The following MEI1 variants were observed in gnomAD, a reference collection of about 807,000 sequenced individuals.
MEI1 encodes the protein meiotic double-stranded break formation protein 1, also known as meiosis inhibitor protein 1.
Under a neutral mutation model 146.2 loss-of-function variants are expected in MEI1, and 103 were observed. The ratio of observed to expected loss-of-function variants is 0.70; its 90% CI spans 0.60 to 0.83. The LOEUF is 0.83. MEI1 is among the 40% of genes least tolerant of loss of function. The probability of loss-of-function intolerance (pLI) is 0.00; values close to 1 mark genes in which losing one functional copy is unlikely to be tolerated. For synonymous variants in MEI1, 652 were observed against 628.2 expected (o/e 1.04, Z -0.57); for missense variants, 1,529 against 1,533.0 (o/e 1.00, Z 0.04).
At chr22:41,778,684 C>G in intron 21 of MEI1, 24 bp from the exon 22 acceptor site, 1 of 1,562,066 alleles carries the variant, frequency 6.4e-7, no homozygotes, top group Middle Eastern at 1.7e-4. Flanking sequence ...AGGCTTCTTG[C>G]CCAGTCCTCC....
Position 41,729,664 on chromosome 22 carries a change from G to A in MEI1, c.865-1G>A. The A allele has an allele frequency of 6.2e-7, 1 of 1,605,204 alleles. No individual in the cohort carries two copies. Among genetic ancestry groups the A allele is most frequent in the Non-Finnish European group, 8.5e-7 (1 of 1,175,126 alleles). On this transcript the variant is annotated splice_acceptor_variant, in intron 7 of 30. Coordinates refer to ENST00000401548, the MANE Select transcript of MEI1 (RefSeq NM_152513.4). LOFTEE classifies it high-confidence loss of function. ...GTACTTTTTGCTGCCTGTTTCTCCA[G>A]CTTCTCCTCTCTAGAGATGAAACCC...
At chr22:41,783,455 G>A (rs1351424052) in intron 24 of MEI1, among the ~76,000 whole-genome samples, 1 of 152,082 alleles carries the variant, frequency 6.6e-6, no homozygotes, top group Admixed American at 6.5e-5. Flanking sequence ...ACCACACCCA[G>A]CTAATTTTGT....
intron 1 of MEI1, among the ~76,000 whole-genome samples, chr22:41,702,659 A>T (rs1448451354): frequency 6.6e-6 from 1 of 151,840 alleles, no homozygotes; most frequent in Admixed American, 6.6e-5. Context: ...TGGTCAGGCC[A>T]GTCTCGAACT....
At chr22:41,794,840 CA>C (rs2076306950) in intron 28 of MEI1, among the ~76,000 whole-genome samples, 2 of 152,252 alleles carry the variant, frequency 1.3e-5, no homozygotes, top group African/African-American at 4.8e-5. Context: ...TATGATGCTA[CA>C]AGTGGTAGAG....
chr22:41,748,074 G>GT lies in MEI1; in HGVS notation c.1681-32dup, dbSNP rs771673188. 1.6e-5 allele frequency: 24 copies of GT among 1,478,738 alleles called. 1 individual carries two copies. In the South Asian group the frequency reaches 2.4e-4, roughly 15 times the overall value. The allele number at this position is 1,478,738 out of a possible 1,614,324, so 91.6% of individuals were successfully genotyped here. Reference sequence around the variant, plus strand: ...CCTTTTCTTCAGAGGCTCAGTCCCCGTGGGCTGTGTTCTCTCTCCTGGTTC... The same window carrying GT: ...CCTTTTCTTCAGAGGCTCAGTCCCCGTTGGGCTGTGTTCTCTCTCCTGGTTC... On this transcript the variant is annotated intron_variant, in intron 14 of 30. Transcript: ENST00000401548.
intron 6 of MEI1, 140 bp from the exon 7 acceptor site, chr22:41,723,803 T>C: frequency 9.0e-7 from 1 of 1,112,382 alleles, no homozygotes; most frequent in Non-Finnish European, 1.3e-6. Flanking sequence ...AAAAGCAAAT[T>C]GGTGCTTAAG....
chr22:41,716,883 G>A (rs1484471100), intron 5 of MEI1, among the ~76,000 whole-genome samples: 1 of 150,396 alleles, frequency 6.6e-6, no homozygotes, highest in African/African-American at 2.5e-5. Context: ...TAGAGACGGA[G>A]TTTCACCATG....
intron 11 of MEI1, among the ~76,000 whole-genome samples, chr22:41,741,599 C>T (rs1246708147): frequency 1.3e-5 from 2 of 152,234 alleles, no homozygotes; most frequent in Non-Finnish European, 2.9e-5. Flanking sequence ...CTTTTCCAGT[C>T]TCTGCGTATA....
intron 11 of MEI1, among the ~76,000 whole-genome samples, chr22:41,735,729 A>G (rs987852396): frequency 6.6e-6 from 1 of 152,174 alleles, no homozygotes; most frequent in Non-Finnish European, 1.5e-5. Context: ...AAGGAGTAGC[A>G]GAGGTAACTG....
chr22:41,790,535 A>G (rs1024214818), intron 26 of MEI1, among the ~76,000 whole-genome samples: 2 of 152,116 alleles, frequency 1.3e-5, no homozygotes, highest in African/African-American at 4.8e-5. Context: ...TGAGTATCAC[A>G]TTATCATATT....
intron 19 of MEI1, among the ~76,000 whole-genome samples, chr22:41,763,609 G>A (rs781617222): frequency 2.3e-4 from 35 of 151,934 alleles, no homozygotes; most frequent in Non-Finnish European, 4.0e-4. Flanking sequence ...CAGCACTTTG[G>A]GAGGCTGAGG....
At chr22:41,774,659 C>T (rs1340062061) in intron 20 of MEI1, among the ~76,000 whole-genome samples, 1 of 152,206 alleles carries the variant, frequency 6.6e-6, no homozygotes, top group Non-Finnish European at 1.5e-5. Context: ...AACTTTATTA[C>T]TTTCTTGATA....
chr22:41,746,316 C>T (rs2073286265), intron 14 of MEI1, among the ~76,000 whole-genome samples: 1 of 152,150 alleles, frequency 6.6e-6, no homozygotes. Flanking sequence ...ATTTAGTTCT[C>T]CCAATGACCC....
chr22:41,764,614 A>G (rs1030029351), intron 19 of MEI1, among the ~76,000 whole-genome samples: 1 of 152,220 alleles, frequency 6.6e-6, no homozygotes, highest in Non-Finnish European at 1.5e-5. Flanking sequence ...TATTCTATGA[A>G]ATAGGTGAGA....
chr22:41,778,400 C>G (rs1395951311), intron 21 of MEI1, among the ~76,000 whole-genome samples: 1 of 152,194 alleles, frequency 6.6e-6, no homozygotes, highest in Non-Finnish European at 1.5e-5. Flanking sequence ...AGAAGTCACT[C>G]AGCCTCTCTG....
In MEI1 at chr22:41,784,810, C is replaced by T. The variant is rs576692618; in HGVS notation, c.3345+27C>T. ...TAAGGCCCTTGCTGAGTGGGGCTTG[C>T]TTCTCCCAGGACAACAGCAGGAAGG... On this transcript the variant is annotated intron_variant, in intron 26 of 30. Transcript: ENST00000401548. The T allele has an allele frequency of 6.4e-6, 10 of 1,553,698 alleles. No individual in the cohort carries two copies. The East Asian group carries it at 7.0e-5, about 11-fold the overall frequency.
intron 18 of MEI1, among the ~76,000 whole-genome samples, chr22:41,760,546 G>T (rs2074415948): frequency 6.6e-6 from 1 of 152,080 alleles, no homozygotes; most frequent in African/African-American, 2.4e-5. Context: ...TAATTTATTG[G>T]CTGGGTGTAG....
At position 41,729,737 on chromosome 22, in the gene MEI1, C is replaced by G; in HGVS notation, c.937C>G (p.Pro313Ala). 1.9e-6 allele frequency: 3 copies of G among 1,611,818 alleles called. No individual in the cohort carries two copies. The highest frequency in any genetic ancestry group is 2.5e-6 in the Non-Finnish European group (3 of 1,179,124). ...HCITAVLVHS[P>A]AKHASAFIHA... ...TATAACTGCGGTGCTTGTCCACTCC[C>G]CAGCAAAGCATGCGTCAGCCTTCAT... is the stretch of plus-strand genomic sequence containing the variant. The change falls in exon 8 of 31, where the codon CCA becomes GCA. Residue 313 changes from proline to alanine, a missense_variant. By Grantham distance (27) the Pro-to-Ala change is conservative. Transcript: ENST00000401548.
In MEI1 at chr22:41,746,016, C is replaced by A; in HGVS notation, c.1670C>A (p.Pro557His). 2.5e-6 allele frequency: 4 copies of A among 1,600,210 alleles called. No homozygotes were observed. The highest frequency in any genetic ancestry group is 3.4e-6 in the Non-Finnish European group (4 of 1,172,584). ...LLSACDSLCIPMVMRHLEQTT... is the reference protein window; with the variant it reads ...LLSACDSLCIHMVMRHLEQTT... Reference sequence around the variant, plus strand: ...AGTGCCTGTGACTCGCTGTGTATCCCCATGGTGATGGTGGGTTCTCCTGAG... The same window carrying A: ...AGTGCCTGTGACTCGCTGTGTATCCACATGGTGATGGTGGGTTCTCCTGAG... Residue 557 changes from proline (P) to histidine (H), a missense_variant, in exon 14 of 31, where the codon CCC becomes CAC. Physicochemically the swap from Pro to His is moderately conservative, Grantham distance 77. Around this residue, in one of 3 missense-constraint regions of MEI1, gnomAD observed 1,212 missense variants for 1,178.9 expected, o/e 1.03. Coordinates refer to ENST00000401548, the MANE Select transcript of MEI1 (RefSeq NM_152513.4).
Sources: allele counts gnomAD v4.1 joint callset (sites outside exome capture counted in the v4.1 genomes callset), GRCh38; gene constraint gnomAD v4.1.1; regional missense constraint gnomAD v4.1.1; transcripts MANE v1.5; gene names NCBI Gene and HGNC (gene_info 2026-07-23, HGNC 2026-07-21).